The following LRRTM4 variants were observed in gnomAD, a reference collection of about 807,000 sequenced individuals.
LRRTM4 encodes the protein leucine-rich repeat transmembrane neuronal protein 4.
Under a neutral mutation model 47.6 loss-of-function variants are expected in LRRTM4, and 25 were observed. The ratio of observed to expected loss-of-function variants is 0.53; its 90% CI spans 0.38 to 0.73. LRRTM4 has a LOEUF of 0.73. LRRTM4 is among the 30% of genes least tolerant of loss of function. LRRTM4 has a pLI of 0.00. For synonymous variants in LRRTM4, 311 were observed against 269.5 expected (o/e 1.15, Z -1.51); for missense variants, 638 against 713.4 (o/e 0.89, Z 1.20).
intron 3 of LRRTM4, among the ~76,000 whole-genome samples, chr2:76,790,703 C>CA (rs982120535): frequency 1.1e-4 from 16 of 151,450 alleles, no homozygotes; most frequent in African/African-American, 3.9e-4. Context: ...GGATAGACCC[C>CA]CCCCCACCAC....
chr2:76,990,421 T>TA (rs1676962397), intron 3 of LRRTM4, among the ~76,000 whole-genome samples: 4 of 151,644 alleles, frequency 2.6e-5, no homozygotes, highest in African/African-American at 9.7e-5. Flanking sequence ...ATCTCCTATG[T>TA]AATAACACAC....
intron 3 of LRRTM4, among the ~76,000 whole-genome samples, chr2:77,175,514 G>C (rs988799002): frequency 1.3e-5 from 2 of 151,996 alleles, no homozygotes; most frequent in Non-Finnish European, 2.9e-5. Context: ...ATTGTATCTT[G>C]AGTTAAAAGA....
chr2:77,074,578 C>G (rs1680271155), intron 3 of LRRTM4, among the ~76,000 whole-genome samples: 1 of 152,016 alleles, frequency 6.6e-6, no homozygotes, highest in Admixed American at 6.6e-5. Flanking sequence ...TTTGCCTTAC[C>G]CATTTTTACA....
intron 3 of LRRTM4, among the ~76,000 whole-genome samples, chr2:77,060,067 G>A (rs778501365): frequency 1.5e-4 from 23 of 152,180 alleles, no homozygotes; most frequent in Non-Finnish European, 2.9e-4. Context: ...TGTCACCCAC[G>A]AACTAAGAGT....
chr2:77,446,238 G>C (rs774861156), intron 3 of LRRTM4, among the ~76,000 whole-genome samples: 1 of 151,822 alleles, frequency 6.6e-6, no homozygotes, highest in Non-Finnish European at 1.5e-5. Context: ...TGATATTTTG[G>C]TTCATACCAT....
At chr2:77,386,840 G>A (rs1673298977) in intron 3 of LRRTM4, among the ~76,000 whole-genome samples, 1 of 152,090 alleles carries the variant, frequency 6.6e-6, no homozygotes, top group Non-Finnish European at 1.5e-5. Context: ...TAATGCATGT[G>A]GAGCTTAGAA....
chr2:77,174,545 A>C (rs1490048505), intron 3 of LRRTM4, among the ~76,000 whole-genome samples: 1 of 152,178 alleles, frequency 6.6e-6, no homozygotes, highest in East Asian at 1.9e-4. Context: ...CAATGTTAGC[A>C]TATGCAGTCA....
chr2:77,212,526 T>A (rs1674324634), intron 3 of LRRTM4, among the ~76,000 whole-genome samples: 1 of 150,166 alleles, frequency 6.7e-6, no homozygotes, highest in Non-Finnish European at 1.5e-5. Flanking sequence ...TATATATATG[T>A]ATATATCATG....
At chr2:76,887,819 T>G (rs1234089263) in intron 3 of LRRTM4, among the ~76,000 whole-genome samples, 1 of 151,016 alleles carries the variant, frequency 6.6e-6, no homozygotes, top group Non-Finnish European at 1.5e-5. Context: ...GAATTTGACC[T>G]AAAATAATAA....
At chr2:77,035,683 C>G (rs1405210808) in intron 3 of LRRTM4, among the ~76,000 whole-genome samples, 1 of 151,856 alleles carries the variant, frequency 6.6e-6, no homozygotes, top group Non-Finnish European at 1.5e-5. Context: ...GCATAATTCT[C>G]TGGACATCTA....
At chr2:77,286,698 G>C (rs1051898396) in intron 3 of LRRTM4, among the ~76,000 whole-genome samples, 1 of 151,724 alleles carries the variant, frequency 6.6e-6, no homozygotes, top group Admixed American at 6.6e-5. Context: ...TTAGTATCTT[G>C]ATATGAGACT....
At chr2:76,918,509 T>C (rs984961716) in intron 3 of LRRTM4, among the ~76,000 whole-genome samples, 3 of 152,148 alleles carry the variant, frequency 2.0e-5, no homozygotes, top group Non-Finnish European at 4.4e-5. Context: ...ATCTGGCTCA[T>C]CACATAGGCC....
chr2:77,474,463 G>T (rs968690222), intron 3 of LRRTM4, among the ~76,000 whole-genome samples: 1 of 151,978 alleles, frequency 6.6e-6, no homozygotes, highest in Non-Finnish European at 1.5e-5. Context: ...ACCTATTTCA[G>T]TGGAAACTTC....
At chr2:77,361,031 TA>T (rs1472729371) in intron 3 of LRRTM4, among the ~76,000 whole-genome samples, 2 of 152,072 alleles carry the variant, frequency 1.3e-5, no homozygotes, top group South Asian at 4.1e-4. Context: ...CTGAATACAT[TA>T]AAAAAACTCA....
At chr2:77,420,680 C>G (rs1237983946) in intron 3 of LRRTM4, among the ~76,000 whole-genome samples, 4 of 148,974 alleles carry the variant, frequency 2.7e-5, no homozygotes, top group African/African-American at 9.9e-5. Flanking sequence ...CTCCAAGGAG[C>G]CTTGTCTTTT....
At chr2:77,016,376 C>T (rs1278412058) in intron 3 of LRRTM4, among the ~76,000 whole-genome samples, 1 of 135,594 alleles carries the variant, frequency 7.4e-6, no homozygotes, top group African/African-American at 3.0e-5. Flanking sequence ...AGAGGGAGAA[C>T]TCCATTTAAA....
chr2:77,512,129 A>G (rs1679043015), intron 3 of LRRTM4, among the ~76,000 whole-genome samples: 1 of 152,078 alleles, frequency 6.6e-6, no homozygotes, highest in African/African-American at 2.4e-5. Context: ...CCTCCCTTGT[A>G]AAGGACTAAT....
chr2:77,276,704 TATATATA>T (rs1676368288), intron 3 of LRRTM4, among the ~76,000 whole-genome samples: 1 of 115,430 alleles, frequency 8.7e-6, no homozygotes, highest in Non-Finnish European at 1.7e-5. Flanking sequence ...TATATATATA[TATATATA>T]TATATATATA....
chr2:76,811,210 A>G (rs1397862838), intron 3 of LRRTM4, among the ~76,000 whole-genome samples: 1 of 152,196 alleles, frequency 6.6e-6, no homozygotes. Context: ...ATGCTTAAAT[A>G]TAGAGTTCCT....
Sources: allele counts gnomAD v4.1 joint callset (sites outside exome capture counted in the v4.1 genomes callset), GRCh38; gene constraint gnomAD v4.1.1; transcripts MANE v1.5; gene names NCBI Gene and HGNC (gene_info 2026-07-23, HGNC 2026-07-21).